Variants in RECQL4 observed in about 807,000 individuals in gnomAD.
RECQL4 encodes the protein RecQ like helicase 4.
In RECQL4, 158 loss-of-function variants were observed where a neutral mutation model predicts 128.6. The observed-to-expected ratio is 1.23, with a 90% CI of 1.08 to 1.40. The LOEUF (loss-of-function observed/expected upper bound fraction) is 1.40. Among genes scored for constraint, RECQL4 ranks in the 40% most tolerant of loss-of-function variants. RECQL4 has a pLI of 0.00. For missense variants in RECQL4, 2,293 were observed against 1,649.8 expected (o/e 1.39, Z -6.75); for synonymous variants, 996 against 678.9 (o/e 1.47, Z -7.26).
rs35126141 is a variant in RECQL4 at position 144,514,122 on chromosome 8, G to T, written c.1879-15C>A. On this transcript the variant is annotated splice_polypyrimidine_tract_variant and intron_variant, in intron 11 of 20. Transcript: ENST00000617875. Reference sequence around the variant, plus strand: ...TCCCGAAGCACCTGCACCAGAGGCGGCAGTGGTGTGAGGCCGCCCAGCCCA... The same window carrying T: ...TCCCGAAGCACCTGCACCAGAGGCGTCAGTGGTGTGAGGCCGCCCAGCCCA... 1.6e-3 allele frequency: 2,640 copies of T among 1,609,134 alleles called. 42 individuals are homozygous for T. In the African/African-American group the frequency reaches 0.033, roughly 20 times the overall value.
At position 144,517,709 on chromosome 8, in the gene RECQL4, G is replaced by T; in HGVS notation, c.76C>A (p.Pro26Thr). ...RAFRRQRGRR[P>T]SQDDVEAAPE... ...CCCTGGGCAGCCCGCACCTGGCTCGGTCGCCGCCCGCGCTGCCGTCGGAAC... is the reference window on the plus strand; with the variant it reads ...CCCTGGGCAGCCCGCACCTGGCTCGTTCGCCGCCCGCGCTGCCGTCGGAAC... Residue 26 changes from proline to threonine, a missense_variant, in exon 1 of 21, where the codon CCG (proline) becomes ACG (threonine). Pro to Thr is a conservative substitution (Grantham distance 38). Transcript: ENST00000617875. The T allele has an allele frequency of 7.3e-7, 1 of 1,367,510 alleles. No homozygotes were observed. The highest frequency in any genetic ancestry group is 9.4e-7 in the Non-Finnish European group (1 of 1,060,492). 84.7% of individuals were successfully genotyped at this position (1,367,510 alleles called of 1,614,324 possible). A position where few individuals can be genotyped will look rare whatever the true frequency, so the allele number is the denominator to read the frequency against.
At position 144,514,122 on chromosome 8, in the gene RECQL4, G is replaced by A. The variant is rs35126141; in HGVS notation, c.1879-15C>T. ...TCCCGAAGCACCTGCACCAGAGGCG[G>A]CAGTGGTGTGAGGCCGCCCAGCCCA... On this transcript the variant is annotated splice_polypyrimidine_tract_variant and intron_variant, in intron 11 of 20. Coordinates refer to ENST00000617875, the MANE Select transcript of RECQL4 (RefSeq NM_004260.4). 6.2e-7 allele frequency: 1 copy of A among 1,609,136 alleles called. No homozygotes were observed. Among genetic ancestry groups the A allele is most frequent in the Non-Finnish European group, 8.5e-7 (1 of 1,178,592 alleles).
At chr8:144,515,700 C>G (rs1564803686) in intron 6 of RECQL4, 64 bp downstream of exon 6, 1 of 1,579,376 alleles carries the variant, frequency 6.3e-7, no homozygotes, top group Non-Finnish European at 8.6e-7. Flanking sequence ...AAGTGTCCCC[C>G]AAAAGAGCAC....
At position 144,514,462 on chromosome 8, in the gene RECQL4, G is replaced by A. The variant is rs61759892; in HGVS notation, c.1684C>T (p.Arg562Trp). The change falls in exon 10 of 21, where the codon CGG (arginine) becomes TGG (tryptophan). Residue 562 changes from arginine (R) to tryptophan (W), a missense_variant. By Grantham distance (101) the Arg-to-Trp change is moderately radical. Coordinates refer to ENST00000617875, the MANE Select transcript of RECQL4 (RefSeq NM_004260.4). ...CIHSGMTRKQRESVLQKIRAA... is the reference protein window; with the variant it reads ...CIHSGMTRKQWESVLQKIRAA... ...CCCACCTTCTGCAGGACAGATTCCC[G>A]TTGCTTCCTGGTCATGCCCGAGTGT... 501 of 1,612,200 alleles carry A rather than the reference G, an allele frequency of 3.1e-4. 2 individuals are homozygous for A. The highest frequency in any genetic ancestry group is 1.7e-3 in the Middle Eastern group (10 of 6,056).
At position 144,512,056 on chromosome 8, in the gene RECQL4, G is replaced by A. The variant is rs1586791818; in HGVS notation, c.3248C>T (p.Pro1083Leu). The A allele has an allele frequency of 1.2e-6, 2 of 1,608,420 alleles. No homozygotes were observed. Among genetic ancestry groups the A allele is most frequent in the Non-Finnish European group, 1.7e-6 (2 of 1,178,760 alleles). ...CTGCTCCAGGCAGGGCCCGCAGCTG[G>A]GGAAGGCTACGCTGTGGGGAGGAGC... ...TFQAFHSVAFPSCGPCLEQQD... is the reference protein window; with the variant it reads ...TFQAFHSVAFLSCGPCLEQQD... The change falls in exon 19 of 21, where the codon CCC (proline) becomes CTC (leucine). Residue 1083 changes from proline to leucine, a missense_variant. Pro to Leu is a moderately conservative substitution (Grantham distance 98, BLOSUM62 -3). Transcript: ENST00000617875.
chr8:144,516,782 G>T lies in RECQL4; in HGVS notation c.355-18C>A, dbSNP rs371484834. 18 of 1,515,514 alleles carry T rather than the reference G, an allele frequency of 1.2e-5. No homozygotes were observed. The African/African-American group carries it at 2.5e-4, about 21-fold the overall frequency. 93.9% of individuals were successfully genotyped at this position (1,515,514 alleles called of 1,614,324 possible). ...GGTCCGGCCTGGGAGGGGAACAACA[G>T]AACAGCAGGAGGAACTCAGGCCCCT... On this transcript the variant is annotated intron_variant, in intron 4 of 20. Coordinates refer to ENST00000617875, the MANE Select transcript of RECQL4 (RefSeq NM_004260.4).
rs557281237 is a variant in RECQL4 at position 144,515,062 on chromosome 8, C to T, written c.1494G>A (p.Thr498=). The T allele has an allele frequency of 1.7e-5, 28 of 1,607,342 alleles. No individual in the cohort carries two copies. The highest frequency in any genetic ancestry group is 5.3e-5 in the African/African-American group (4 of 74,932). Residue 498 remains threonine (T), a synonymous_variant, in exon 9 of 21, where the codon ACG becomes ACA. Coordinates refer to ENST00000617875, the MANE Select transcript of RECQL4 (RefSeq NM_004260.4). ...AVMRILSGIS[T]LLVLPTGAGK... ...CGGCACCTGTAGGCAGCACCAGCAG[C>T]GTGGAGATGCCTGGATGGGGCGGGA...
rs577462627 is a variant in RECQL4, at chr8:144,512,642, C to T, written c.2885G>A (p.Arg962Lys). 10 of 1,611,868 alleles carry T rather than the reference C, an allele frequency of 6.2e-6. No individual in the cohort carries two copies. Among genetic ancestry groups the T allele is most frequent in the African/African-American group, 5.3e-5 (4 of 74,932 alleles). ...CTCCAACTGGGCAGGGCGTGCTTAC[C>T]TGTGGGCCAGGGCCTGGAGCTGGGC... ...GPAQLQALAH[R>K]CPPLAVCLAQ... The change falls in exon 16 of 21, where the codon AGG becomes AAG. Residue 962 changes from arginine to lysine, a missense_variant and splice_region_variant. Transcript: ENST00000617875.
chr8:144,517,580 C>T, intron 2 of RECQL4, 22 bp downstream of exon 2: 1 of 1,477,838 alleles, frequency 6.8e-7, no homozygotes, highest in Non-Finnish European at 8.9e-7. Flanking sequence ...TTCTCGCCCC[C>T]GCCGCCCCGC....
rs1827604830 is a variant in RECQL4 at position 144,513,274 on chromosome 8, C to T, written c.2407G>A (p.Gly803Ser). 1.3e-6 allele frequency: 2 copies of T among 1,596,656 alleles called. No homozygotes were observed. The highest frequency in any genetic ancestry group is 1.7e-6 in the Non-Finnish European group (2 of 1,178,012). ...PSFESYVQAVGRAGRDGQPAH... is the reference protein window; with the variant it reads ...PSFESYVQAVSRAGRDGQPAH... ...GGCTGCCCGTCACGCCCGGCCCGGC[C>T]CACGGCCTGCACGTAGCTCTCGAAG... is the stretch of plus-strand genomic sequence containing the variant. The change falls in exon 14 of 21, where the codon GGC (glycine) becomes AGC (serine). Residue 803 changes from glycine (G) to serine (S), a missense_variant. Coordinates refer to ENST00000617875, the MANE Select transcript of RECQL4 (RefSeq NM_004260.4).
intron 19 of RECQL4, 51 bp from the exon 20 acceptor site, chr8:144,511,840 CCA>C: frequency 6.2e-7 from 1 of 1,610,350 alleles, no homozygotes; most frequent in Non-Finnish European, 8.5e-7. Flanking sequence ...GGCACTGCAT[CCA>C]CAGAGCAAGC....
In RECQL4 at chr8:144,512,261, G is replaced by A. The variant is rs370867731; in HGVS notation, c.3119C>T (p.Pro1040Leu). Residue 1040 changes from proline (P) to leucine (L), a missense_variant, in exon 18 of 21, where the codon CCG becomes CTG. Transcript: ENST00000617875. ...FSELAFHLRS[P>L]GDLTAEEKDQ... is the part of the protein sequence containing the mutation. Reference sequence around the variant, plus strand: ...CTTCTCCTCAGCGGTCAAGTCCCCCGGGCTGCGAAGGTGGAAGGCCAGCTC... The same window carrying A: ...CTTCTCCTCAGCGGTCAAGTCCCCCAGGCTGCGAAGGTGGAAGGCCAGCTC... The A allele has an allele frequency of 3.2e-5, 51 of 1,612,470 alleles. No homozygotes were observed. The highest frequency in any genetic ancestry group is 3.3e-4 in the Middle Eastern group (2 of 6,060).
rs137975310 is a variant in RECQL4 at position 144,512,966 on chromosome 8, G to T, written c.2636C>A (p.Pro879His). ...GTGGCTAAGCTGCTCAGCCTCTTGAGGGGGGTACTTGGGCACAGGCCTCTC... is the reference window on the plus strand; with the variant it reads ...GTGGCTAAGCTGCTCAGCCTCTTGATGGGGGTACTTGGGCACAGGCCTCTC... Reference protein sequence around the residue: ...GGERPVPKYPPQEAEQLSHQA... With the variant: ...GGERPVPKYPHQEAEQLSHQA... Residue 879 changes from proline to histidine, a missense_variant, in exon 15 of 21, where the codon CCT becomes CAT. Transcript: ENST00000617875. 15,646 of 1,571,768 alleles carry T rather than the reference G, an allele frequency of 1.0e-2. 97 individuals are homozygous for T. Among genetic ancestry groups the T allele is most frequent in the Middle Eastern group, 0.028 (171 of 6,008 alleles).
chr8:144,515,679 G>T, intron 6 of RECQL4, 85 bp downstream of exon 6: 1 of 1,538,922 alleles, frequency 6.5e-7, no homozygotes. Context: ...AAGGCCTGTT[G>T]CTTGGAACAT....
chr8:144,515,788 A>G lies in RECQL4; in HGVS notation c.1234T>C (p.Trp412Arg), dbSNP rs377546182. Residue 412 changes from tryptophan to arginine, a missense_variant, in exon 6 of 21, where the codon TGG (tryptophan) becomes CGG (arginine). Transcript: ENST00000617875. ...SCFLNEQFDH[W>R]AAQCPRPASE... is the part of the protein sequence containing the mutation. The stretch of plus-strand genomic sequence containing the variant: ...CCTGGCCGGGGACACTGGGCTGCCC[A>G]GTGATCGAACTGCTCGTTCAGGAAA... 1 of 1,612,396 alleles carries G rather than the reference A, an allele frequency of 6.2e-7. No individual in the cohort carries two copies. The highest frequency in any genetic ancestry group is 8.5e-7 in the Non-Finnish European group (1 of 1,179,700).
chr8:144,517,311 C>T, intron 3 of RECQL4, 103 bp downstream of exon 3: 3 of 1,487,694 alleles, frequency 2.0e-6, no homozygotes, highest in Non-Finnish European at 9.0e-7. Context: ...CAGTCCCCCT[C>T]CCAAGTTCTG....
At position 144,511,537 on chromosome 8, in the gene RECQL4, G is replaced by T. The variant is rs587778648; in HGVS notation, c.3521C>A (p.Ala1174Asp). 6.2e-7 allele frequency: 1 copy of T among 1,612,392 alleles called. No homozygotes were observed. The highest frequency in any genetic ancestry group is 1.1e-5 in the South Asian group (1 of 91,078). The part of the protein sequence containing the change: ...FHGIGSPCYP[A>D]QVYGQDRRFW... Reference sequence around the variant, plus strand: ...GCGTCGGTCCTGCCCGTACACCTGGGCCGGGTAGCAGGGGCTTCCTACGGT... The same window carrying T: ...GCGTCGGTCCTGCCCGTACACCTGGTCCGGGTAGCAGGGGCTTCCTACGGT... Residue 1174 changes from alanine (A) to aspartate (D), a missense_variant, in exon 21 of 21, where the codon GCC (alanine) becomes GAC (aspartate). By Grantham distance (126) the Ala-to-Asp change is moderately radical. Coordinates refer to ENST00000617875, the MANE Select transcript of RECQL4 (RefSeq NM_004260.4).
intron 2 of RECQL4, 21 bp downstream of exon 2, chr8:144,517,581 G>GCCGCC: frequency 6.8e-7 from 1 of 1,477,672 alleles, no homozygotes. Context: ...TCTCGCCCCC[G>GCCGCC]CCGCCCCGCC....
chr8:144,513,684 C>G lies in RECQL4; in HGVS notation c.2087G>C (p.Arg696Pro), dbSNP rs1026729951. The change falls in exon 13 of 21, where the codon CGT (arginine) becomes CCT (proline). Residue 696 changes from arginine to proline, a missense_variant. By Grantham distance (103) the Arg-to-Pro change is moderately radical. Transcript: ENST00000617875. ...QALLTLLQGK[R>P]FQNLDSIIIY... is the part of the protein sequence containing the mutation. Reference sequence around the variant, plus strand: ...GATAATGGAATCGAGGTTTTGAAAACGTTTGCCTTGCAGCAGCGTCAACAG... The same window carrying G: ...GATAATGGAATCGAGGTTTTGAAAAGGTTTGCCTTGCAGCAGCGTCAACAG... 1.9e-6 allele frequency: 3 copies of G among 1,552,178 alleles called. No individual in the cohort carries two copies. The highest frequency in any genetic ancestry group is 3.9e-5 in the Admixed American group (2 of 51,116).
Sources: gnomAD v4.1 joint callset for allele counts on GRCh38, gnomAD v4.1.1 for gene constraint, MANE v1.5 for transcripts, NCBI Gene and HGNC (gene_info 2026-07-23, HGNC 2026-07-21) for gene names.